Variants in CCDC158 observed in about 807,000 individuals in gnomAD.
The protein encoded by CCDC158 is coiled-coil domain-containing protein 158.
Under a neutral mutation model 138.6 loss-of-function variants are expected in CCDC158, and 116 were observed. That is an observed-to-expected ratio of 0.84 (90% confidence interval 0.72 to 0.98). The LOEUF (loss-of-function observed/expected upper bound fraction) is 0.98, where lower values mean the gene tolerates loss of function less well. CCDC158 is among the 50% of genes least tolerant of loss of function. CCDC158 has a pLI of 0.00. For synonymous variants in CCDC158, 436 were observed against 442.4 expected, an observed-to-expected ratio of 0.99 and a Z score of 0.18; for missense variants, 1,265 against 1,306.1, an observed-to-expected ratio of 0.97 and a Z score of 0.48.
chr4:76,328,769 AG>A, intron 22 of CCDC158, 130 bp downstream of exon 22: 1 of 693,722 alleles, frequency 1.4e-6, no homozygotes, highest in African/African-American at 1.8e-5. Context: ...TGCATGAAAG[AG>A]GGAGTAGCAG....
At chr4:76,377,311 C>T (rs1002108132) in intron 9 of CCDC158, among the ~76,000 whole-genome samples, 6 of 152,148 alleles carry the variant, frequency 3.9e-5, no homozygotes, top group African/African-American at 1.4e-4. Context: ...TGCGGCTTTT[C>T]AAAAAGTTTG....
chr4:76,330,345 T>C lies in CCDC158; in HGVS notation c.2942+999A>G, dbSNP rs565756821. Among the ~76,000 whole-genome samples the C allele has an allele frequency of 3.0e-4, 45 of 152,308 alleles. 2 individuals are homozygous for C. The South Asian group carries it at 8.1e-3, about 27-fold the overall frequency. On this transcript the variant is annotated intron_variant, in intron 21 of 24. Transcript: ENST00000682701. The stretch of plus-strand genomic sequence containing the variant: ...AATAATGTTTCCCTCATACATGAGA[T>C]TAGACTAATGAGACAAGTCTAAATC...
chr4:76,419,015 A>G (rs1476060124), intron 1 of CCDC158, among the ~76,000 whole-genome samples: 3 of 152,134 alleles, frequency 2.0e-5, no homozygotes, highest in East Asian at 3.9e-4. Flanking sequence ...CTGGACCTCA[A>G]TCCCCAGGTG....
chr4:76,344,234 T>C (rs569027169), intron 18 of CCDC158, among the ~76,000 whole-genome samples: 2 of 152,298 alleles, frequency 1.3e-5, no homozygotes, highest in East Asian at 1.9e-4. Context: ...AGCCAAATCA[T>C]GAGTGAACTC....
intron 18 of CCDC158, among the ~76,000 whole-genome samples, chr4:76,342,395 C>T (rs562937245): frequency 6.6e-6 from 1 of 152,236 alleles, no homozygotes; most frequent in African/African-American, 2.4e-5. Flanking sequence ...TTCTTCAAGC[C>T]TCATTTCCCC....
chr4:76,345,197 CAA>C lies in CCDC158; in HGVS notation c.2664+5797_2664+5798del, dbSNP rs1722423879. Reference sequence around the variant, plus strand: ...TATTGAAGGTTGCTGTGCTATTTGACAAACTTAGGAAAGTAGAGGGTCAAGTT... The same window carrying C: ...TATTGAAGGTTGCTGTGCTATTTGACACTTAGGAAAGTAGAGGGTCAAGTT... On this transcript the variant is annotated intron_variant, in intron 18 of 24. Transcript: ENST00000682701. 3.1e-6 allele frequency: 3 copies of C among 969,476 alleles called. No individual in the cohort carries two copies. In the Admixed American group the frequency reaches 5.1e-5, roughly 16 times the overall value. 60.1% of individuals were successfully genotyped at this position (969,476 alleles called of 1,614,324 possible).
chr4:76,403,646 C>T (rs903831614), intron 2 of CCDC158, among the ~76,000 whole-genome samples: 8 of 152,142 alleles, frequency 5.3e-5, no homozygotes, highest in Non-Finnish European at 1.0e-4. Flanking sequence ...TCTCTGATGT[C>T]AAATAGTGCT....
At chr4:76,364,424 G>A (rs1284530753) in intron 12 of CCDC158, among the ~76,000 whole-genome samples, 3 of 152,134 alleles carry the variant, frequency 2.0e-5, no homozygotes, top group Non-Finnish European at 4.4e-5. Flanking sequence ...CTGGAATGTG[G>A]CCAAACTAAG....
chr4:76,378,386 A>G (rs1725913450), intron 9 of CCDC158, among the ~76,000 whole-genome samples: 1 of 152,184 alleles, frequency 6.6e-6, no homozygotes, highest in South Asian at 2.1e-4. Flanking sequence ...CCAAATAGCT[A>G]AGGTGTGAGA....
intron 18 of CCDC158, among the ~76,000 whole-genome samples, chr4:76,344,185 T>C (rs1560808167): frequency 6.6e-6 from 1 of 152,002 alleles, no homozygotes; most frequent in African/African-American, 2.4e-5. Context: ...TGGGCAAAAA[T>C]CACAAGCATT....
At chr4:76,407,605 T>C (rs558253785) in intron 2 of CCDC158, among the ~76,000 whole-genome samples, 10 of 152,302 alleles carry the variant, frequency 6.6e-5, no homozygotes, top group East Asian at 5.8e-4. Context: ...TTCAGGATAA[T>C]GAATGACACT....
intron 24 of CCDC158, among the ~76,000 whole-genome samples, chr4:76,318,450 A>G (rs1719619396): frequency 6.6e-6 from 1 of 152,118 alleles, no homozygotes; most frequent in Admixed American, 6.5e-5. Flanking sequence ...AACCCTCCTG[A>G]TTAAGCTAGG....
intron 21 of CCDC158, 68 bp downstream of exon 21, chr4:76,331,276 G>A (rs1720979917): frequency 5.1e-6 from 7 of 1,369,804 alleles, no homozygotes; most frequent in Non-Finnish European, 7.3e-6. Flanking sequence ...GACAGTTAAA[G>A]ATCTTTTGAA....
intron 21 of CCDC158, among the ~76,000 whole-genome samples, 191 bp downstream of exon 21, chr4:76,331,153 C>T (rs2110100824): frequency 6.6e-6 from 1 of 152,274 alleles, no homozygotes; most frequent in East Asian, 1.9e-4. Flanking sequence ...TAAGTTTTTC[C>T]AGGCAGTCCG....
chr4:76,325,050 C>G (rs1720397855), intron 23 of CCDC158, among the ~76,000 whole-genome samples: 1 of 152,024 alleles, frequency 6.6e-6, no homozygotes, highest in South Asian at 2.1e-4. Flanking sequence ...CACCACAGAA[C>G]AGGAAAGTAA....
chr4:76,391,039 C>T (rs1270015235), intron 4 of CCDC158, among the ~76,000 whole-genome samples: 1 of 151,992 alleles, frequency 6.6e-6, no homozygotes, highest in African/African-American at 2.4e-5. Context: ...TAGCTAGAGA[C>T]ATCAACACCC....
chr4:76,340,177 G>C (rs998098843), intron 18 of CCDC158, among the ~76,000 whole-genome samples: 45 of 152,200 alleles, frequency 3.0e-4, no homozygotes, highest in African/African-American at 1.1e-3. Flanking sequence ...AGTCAAACTG[G>C]AATTATGGGA....
At position 76,384,159 on chromosome 4, in the gene CCDC158, C is replaced by T. The variant is rs370583432; in HGVS notation, c.655G>A (p.Gly219Ser). 1 of 1,613,926 alleles carries T rather than the reference C, an allele frequency of 6.2e-7. No homozygotes were observed. Among genetic ancestry groups the T allele is most frequent in the African/African-American group, 1.3e-5 (1 of 74,902 alleles). ...SMSTLHFRSL[G>S]SAISKILREL... ...CTTAGTATTTTACTAATAGCTGAGC[C>T]CAAGCTGCGGAAGTGCAGAGTAGAC... The change falls in exon 6 of 25, where the codon GGC becomes AGC. Residue 219 changes from glycine to serine, a missense_variant. Physicochemically the swap from Gly to Ser is moderately conservative, Grantham distance 56 (BLOSUM62 0). Coordinates refer to ENST00000682701, the MANE Select transcript of CCDC158 (RefSeq NM_001394954.1).
chr4:76,340,861 A>G (rs984651763), intron 18 of CCDC158, among the ~76,000 whole-genome samples: 1 of 152,150 alleles, frequency 6.6e-6, no homozygotes, highest in Non-Finnish European at 1.5e-5. Flanking sequence ...CCATGGAAAA[A>G]CTGTCTTTCA....
Sources: gnomAD v4.1 joint callset for allele counts (sites outside exome capture counted in the v4.1 genomes callset) on GRCh38, gnomAD v4.1.1 for gene constraint, MANE v1.5 for transcripts, NCBI Gene and HGNC (gene_info 2026-07-23, HGNC 2026-07-21) for gene names.